The following CCDC68 variants were observed in gnomAD, a reference collection of about 807,000 sequenced individuals.
CCDC68 encodes coiled-coil domain-containing protein 68.
Under a neutral mutation model 47.1 loss-of-function variants are expected in CCDC68, and 45 were observed. That is an observed-to-expected ratio of 0.96 (90% CI 0.75 to 1.23). The LOEUF (loss-of-function observed/expected upper bound fraction) is 1.23. CCDC68 is among the 50% of genes most tolerant of loss of function. The pLI, the probability that CCDC68 is intolerant of heterozygous loss-of-function variation, is 0.00. For synonymous variants in CCDC68, 131 were observed against 129.5 expected (o/e 1.01, Z -0.08); for missense variants, 353 against 373.6 (o/e 0.94, Z 0.45).
At chr18:54,936,729 C>G (rs2044355163) in intron 6 of CCDC68, 104 bp downstream of exon 6, 3 of 1,393,532 alleles carry the variant, frequency 2.2e-6, no homozygotes, top group African/African-American at 2.9e-5. Flanking sequence ...TTTGCCAAGT[C>G]ACTTGGCCAT....
At chr18:54,946,079 T>A (rs528199962) in intron 1 of CCDC68, among the ~76,000 whole-genome samples, 2 of 152,218 alleles carry the variant, frequency 1.3e-5, no homozygotes, top group Non-Finnish European at 2.9e-5. Context: ...GAAAATTATA[T>A]GAATTTCAAA....
intron 7 of CCDC68, among the ~76,000 whole-genome samples, chr18:54,931,336 ACCACACAGTGGGCAAC>A (rs2145509296): frequency 6.6e-6 from 1 of 152,274 alleles, no homozygotes; most frequent in African/African-American, 2.4e-5. Flanking sequence ...AGTTCACAGC[ACCACACAGTGGGCAAC>A]CCCACTATTC....
intron 6 of CCDC68, among the ~76,000 whole-genome samples, chr18:54,936,167 ATAT>A (rs888549788): frequency 1.1e-4 from 16 of 145,272 alleles, no homozygotes; most frequent in South Asian, 2.1e-4. Flanking sequence ...ATTATATTAG[ATAT>A]TATAATTATA....
Position 54,934,765 on chromosome 18 carries a change from C to T in CCDC68, c.600+55G>A, listed in dbSNP as rs1053494210. ...TATTTATTTTAGTATTATTTTATTT[C>T]ATTCTCATCCTAATGCTGTCAGTAA... On this transcript the variant is annotated intron_variant, in intron 7 of 11. Transcript: ENST00000591504. The T allele has an allele frequency of 6.5e-5, 82 of 1,260,856 alleles. No individual in the cohort carries two copies. In the East Asian group the frequency reaches 2.1e-3, roughly 32 times the overall value. 78.1% of individuals were successfully genotyped at this position (1,260,856 alleles called of 1,614,324 possible). A position where few individuals can be genotyped will look rare whatever the true frequency, so the allele number is the denominator to read the frequency against.
chr18:54,920,917 C>G (rs2044048462), intron 8 of CCDC68, among the ~76,000 whole-genome samples: 2 of 152,178 alleles, frequency 1.3e-5, no homozygotes, highest in Non-Finnish European at 2.9e-5. Context: ...CAGCAGTATT[C>G]ACGACAGCAA....
chr18:54,948,708 A>G (rs2044566054), intron 1 of CCDC68, among the ~76,000 whole-genome samples: 2 of 152,198 alleles, frequency 1.3e-5, no homozygotes, highest in Non-Finnish European at 2.9e-5. Context: ...GATTTTCAGT[A>G]CAAAGGGAGA....
chr18:54,944,334 C>A (rs2044487549), intron 2 of CCDC68, among the ~76,000 whole-genome samples: 1 of 151,730 alleles, frequency 6.6e-6, no homozygotes, highest in Non-Finnish European at 1.5e-5. Flanking sequence ...TAATAAAAAG[C>A]CCTGTGGAGT....
In CCDC68 at chr18:54,906,967, A is replaced by G. The variant is rs184144150; in HGVS notation, c.950+819T>C. On this transcript the variant is annotated intron_variant, in intron 11 of 11. Transcript: ENST00000591504. ...CTGAATTCCTAGACTGATGCTAATC[A>G]TAGTGGGTCTGATTTTTCCACCTCC... Among the ~76,000 whole-genome samples the G allele has an allele frequency of 2.6e-5, 4 of 152,356 alleles. No individual in the cohort carries two copies. The East Asian group carries it at 7.7e-4, about 29-fold the overall frequency.
intron 10 of CCDC68, among the ~76,000 whole-genome samples, chr18:54,911,294 G>A (rs941685744): frequency 2.9e-4 from 44 of 152,030 alleles, no homozygotes; most frequent in African/African-American, 9.6e-4. Context: ...CCAGTGACCC[G>A]CCCGCCTCAG....
chr18:54,953,773 A>C (rs552402221), intron 1 of CCDC68, among the ~76,000 whole-genome samples: 8 of 152,320 alleles, frequency 5.3e-5, no homozygotes, highest in Admixed American at 2.6e-4. Flanking sequence ...AATAATACAT[A>C]AGAAATATAA....
intron 1 of CCDC68, among the ~76,000 whole-genome samples, chr18:54,950,948 G>A (rs1371864670): frequency 9.5e-6 from 1 of 105,522 alleles, no homozygotes; most frequent in African/African-American, 3.8e-5. Flanking sequence ...TCGCTCTGTC[G>A]CCCAGGCTGG....
Position 54,917,829 on chromosome 18 carries a change from T to C in CCDC68, c.873+84A>G, listed in dbSNP as rs1599036267. 5 of 740,468 alleles carry C rather than the reference T, an allele frequency of 6.8e-6. No individual in the cohort carries two copies. In the Admixed American group the frequency reaches 1.4e-4, roughly 20 times the overall value. The allele number at this position is 740,468 out of a possible 1,614,324, so 45.9% of individuals were successfully genotyped here. On this transcript the variant is annotated intron_variant, in intron 10 of 11. Coordinates refer to ENST00000591504, the MANE Select transcript of CCDC68 (RefSeq NM_025214.3). The stretch of plus-strand genomic sequence containing the variant: ...CACAGGCTCACTGATACTGATACCC[T>C]CACGTGCACAGACACACACACACAC...
At chr18:54,922,942 C>T (rs1485568354) in intron 8 of CCDC68, among the ~76,000 whole-genome samples, 1 of 135,470 alleles carries the variant, frequency 7.4e-6, no homozygotes, top group African/African-American at 2.8e-5. Flanking sequence ...GAGGCGAGAT[C>T]GTGCCACTGC....
intron 7 of CCDC68, among the ~76,000 whole-genome samples, chr18:54,931,324 G>A (rs2044257014): frequency 6.6e-6 from 1 of 152,122 alleles, no homozygotes; most frequent in Admixed American, 6.5e-5. Flanking sequence ...AAAGGGAAAG[G>A]GAGTTCACAG....
rs1160094623 is a variant in CCDC68, at chr18:54,957,806, T to C, written c.-103+1530A>G. On this transcript the variant is annotated intron_variant, in intron 1 of 11. Coordinates refer to ENST00000591504, the MANE Select transcript of CCDC68 (RefSeq NM_025214.3). ...ATAATTTTGATGTAAATATCTCAGT[T>C]CTAAAGATGAGAAACTACTATTTTA... Among the ~76,000 whole-genome samples, 5 of 152,218 alleles carry C rather than the reference T, an allele frequency of 3.3e-5. 1 individual carries two copies. The highest frequency in any genetic ancestry group is 2.1e-4 in the South Asian group (1 of 4,826).
At chr18:54,910,249 C>A (rs1006802628) in intron 10 of CCDC68, among the ~76,000 whole-genome samples, 3 of 152,176 alleles carry the variant, frequency 2.0e-5, no homozygotes, top group African/African-American at 7.2e-5. Flanking sequence ...AGCTGGCTGC[C>A]CCATCGTCTG....
rs1185288410 is a variant in CCDC68 at position 54,934,960 on chromosome 18, G to C, written c.472-12C>G. 1.3e-6 allele frequency: 2 copies of C among 1,565,328 alleles called. No individual in the cohort carries two copies. The highest frequency in any genetic ancestry group is 1.8e-4 in the Middle Eastern group (1 of 5,604). On this transcript the variant is annotated splice_polypyrimidine_tract_variant and intron_variant, in intron 6 of 11. Transcript: ENST00000591504. ...TCAAGCTTGTTAACCTATGGTCAGA[G>C]AATCAGTTGTGTTGTGAAAACTCTG...
At chr18:54,934,553 AC>A (rs2044312190) in intron 7 of CCDC68, among the ~76,000 whole-genome samples, 1 of 152,188 alleles carries the variant, frequency 6.6e-6, no homozygotes, top group Admixed American at 6.5e-5. Context: ...TTTCTAAGTC[AC>A]ATATTTCCTA....
At chr18:54,948,506 G>T (rs866139226) in intron 1 of CCDC68, among the ~76,000 whole-genome samples, 34 of 152,332 alleles carry the variant, frequency 2.2e-4, no homozygotes, top group Middle Eastern at 3.4e-3. Flanking sequence ...AAGCCACTCT[G>T]TGTGTGGCAC....
Sources: allele counts gnomAD v4.1 joint callset (sites outside exome capture counted in the v4.1 genomes callset), GRCh38; gene constraint gnomAD v4.1.1; transcripts MANE v1.5; gene names NCBI Gene and HGNC (gene_info 2026-07-23, HGNC 2026-07-21).